The following MBOAT2 variants were observed in gnomAD, a reference collection of about 807,000 sequenced individuals.
The protein encoded by MBOAT2 is membrane bound glycerophospholipid O-acyltransferase 2.
MBOAT2 carries 28 observed loss-of-function variants against 63.4 expected under a neutral mutation model. The ratio of observed to expected loss-of-function variants is 0.44; its 90% CI spans 0.33 to 0.61. The LOEUF is 0.61. Ranked by LOEUF, MBOAT2 falls within the 20% of genes least tolerant of loss-of-function variation. MBOAT2 has a pLI of 0.03. For synonymous variants in MBOAT2, 211 were observed against 215.6 expected, an observed-to-expected ratio of 0.98 and a Z score of 0.19; for missense variants, 470 against 605.8, an observed-to-expected ratio of 0.78 and a Z score of 2.35.
At chr2:8,963,379 C>T (rs763494838) in intron 1 of MBOAT2, among the ~76,000 whole-genome samples, 2 of 152,170 alleles carry the variant, frequency 1.3e-5, no homozygotes, top group Non-Finnish European at 2.9e-5. Context: ...TCTCAGCTCA[C>T]TGTAACCTCT....
intron 1 of MBOAT2, among the ~76,000 whole-genome samples, chr2:8,998,825 C>T (rs952083144): frequency 1.3e-5 from 2 of 152,020 alleles, no homozygotes; most frequent in Non-Finnish European, 2.9e-5. Flanking sequence ...AATGATCTAC[C>T]AAAAATATTT....
chr2:8,983,212 AT>A (rs1419464523), intron 1 of MBOAT2, among the ~76,000 whole-genome samples: 1 of 152,192 alleles, frequency 6.6e-6, no homozygotes, highest in Non-Finnish European at 1.5e-5. Flanking sequence ...TAAAATACAT[AT>A]TTTCACAAAT....
chr2:8,872,652 G>C (rs752803967), intron 8 of MBOAT2, among the ~76,000 whole-genome samples: 39 of 152,166 alleles, frequency 2.6e-4, no homozygotes, highest in Non-Finnish European at 5.3e-4. Flanking sequence ...AAGCATAACT[G>C]ATGACCCCCT....
At chr2:8,963,473 T>G (rs1669768546) in intron 1 of MBOAT2, among the ~76,000 whole-genome samples, 1 of 152,014 alleles carries the variant, frequency 6.6e-6, no homozygotes, top group Non-Finnish European at 1.5e-5. Flanking sequence ...CCGGCTAATT[T>G]TTGTATTTTT....
intron 11 of MBOAT2, among the ~76,000 whole-genome samples, chr2:8,861,635 A>G (rs1431274693): frequency 1.3e-5 from 2 of 152,156 alleles, no homozygotes; most frequent in African/African-American, 2.4e-5. Flanking sequence ...TCCCCATTAT[A>G]CTTCACTCAC....
chr2:8,935,915 TAA>T (rs1667630408), intron 3 of MBOAT2, among the ~76,000 whole-genome samples: 1 of 152,222 alleles, frequency 6.6e-6, no homozygotes, highest in African/African-American at 2.4e-5. Flanking sequence ...TTATCATCAA[TAA>T]AGTAGACTTC....
intron 9 of MBOAT2, among the ~76,000 whole-genome samples, chr2:8,866,671 G>T (rs541792825): frequency 6.6e-6 from 1 of 152,144 alleles, no homozygotes; most frequent in Non-Finnish European, 1.5e-5. Flanking sequence ...TTTTCCAGTT[G>T]GTTTGGTCAA....
intron 3 of MBOAT2, among the ~76,000 whole-genome samples, chr2:8,923,846 G>T (rs1261403595): frequency 6.6e-6 from 1 of 152,154 alleles, no homozygotes; most frequent in Non-Finnish European, 1.5e-5. Context: ...AGTTCATCCA[G>T]TTGTACAGCC....
intron 10 of MBOAT2, 111 bp downstream of exon 10, chr2:8,864,059 C>A: frequency 1.4e-6 from 1 of 704,296 alleles, no homozygotes; most frequent in Non-Finnish European, 2.3e-6. Flanking sequence ...ACACTGAGGT[C>A]ACAATGTCAC....
At chr2:8,945,951 G>A (rs1668384492) in intron 2 of MBOAT2, among the ~76,000 whole-genome samples, 1 of 152,146 alleles carries the variant, frequency 6.6e-6, no homozygotes, top group Non-Finnish European at 1.5e-5. Flanking sequence ...AAGTCAATGA[G>A]ACCGTTTATG....
At chr2:8,993,981 T>C (rs1672093151) in intron 1 of MBOAT2, among the ~76,000 whole-genome samples, 1 of 152,126 alleles carries the variant, frequency 6.6e-6, no homozygotes, top group Admixed American at 6.5e-5. Flanking sequence ...CACAACTCCG[T>C]AGGGAGACAC....
At chr2:8,918,709 T>C (rs1054011741) in intron 3 of MBOAT2, among the ~76,000 whole-genome samples, 2 of 152,228 alleles carry the variant, frequency 1.3e-5, no homozygotes, top group Non-Finnish European at 2.9e-5. Context: ...AAGGAGCTGT[T>C]ACTGCTCCAG....
At chr2:8,880,110 A>G (rs531711369) in intron 6 of MBOAT2, among the ~76,000 whole-genome samples, 1 of 152,164 alleles carries the variant, frequency 6.6e-6, no homozygotes, top group African/African-American at 2.4e-5. Flanking sequence ...ATATAATCCA[A>G]TGCACATTAA....
chr2:8,854,775 A>C lies in MBOAT2; in HGVS notation c.*3904T>G, dbSNP rs1428088907. On this transcript the variant is annotated 3_prime_UTR_variant, in exon 13 of 13. Coordinates refer to ENST00000305997, the MANE Select transcript of MBOAT2 (RefSeq NM_138799.4). ...GATCTAGTCCTTGAGTAAAAGTATA[A>C]ATTTATAATTATTTTAATGGCAAAA... 2 of 152,246 alleles carry C rather than the reference A, an allele frequency of 1.3e-5. No individual in the cohort carries two copies. Among genetic ancestry groups the C allele is most frequent in the African/African-American group, 4.8e-5 (2 of 41,466 alleles). 9.4% of individuals were successfully genotyped at this position (152,246 alleles called of 1,614,324 possible).
At chr2:8,897,752 G>A (rs544275365) in intron 4 of MBOAT2, among the ~76,000 whole-genome samples, 5 of 152,282 alleles carry the variant, frequency 3.3e-5, no homozygotes, top group Admixed American at 6.5e-5. Flanking sequence ...CATCTTGGGC[G>A]GCAAAACTCT....
intron 3 of MBOAT2, among the ~76,000 whole-genome samples, chr2:8,940,759 T>C (rs1210290988): frequency 6.6e-6 from 1 of 152,156 alleles, no homozygotes; most frequent in Non-Finnish European, 1.5e-5. Flanking sequence ...ACATTATGAA[T>C]ACCTCATAAA....
chr2:8,870,592 G>A (rs534269570), intron 8 of MBOAT2, among the ~76,000 whole-genome samples: 2 of 152,286 alleles, frequency 1.3e-5, no homozygotes, highest in Admixed American at 6.5e-5. Context: ...GGAGATGAAC[G>A]TGGGCACATG....
At chr2:8,937,092 CAG>C (rs1265895142) in intron 3 of MBOAT2, among the ~76,000 whole-genome samples, 1 of 152,154 alleles carries the variant, frequency 6.6e-6, no homozygotes, top group Non-Finnish European at 1.5e-5. Context: ...TCCCTGGGAA[CAG>C]AGAGAGTACG....
chr2:8,866,997 A>G (rs1327642204), intron 9 of MBOAT2, among the ~76,000 whole-genome samples: 2 of 152,182 alleles, frequency 1.3e-5, no homozygotes, highest in Non-Finnish European at 2.9e-5. Flanking sequence ...CTCAAGTTTT[A>G]GTAATCTCTT....
Sources: allele counts gnomAD v4.1 joint callset (sites outside exome capture counted in the v4.1 genomes callset), GRCh38; gene constraint gnomAD v4.1.1; transcripts MANE v1.5; gene names NCBI Gene and HGNC (gene_info 2026-07-23, HGNC 2026-07-21).